The following ADAMTSL3 variants were observed in gnomAD, a reference collection of about 807,000 sequenced individuals.
ADAMTSL3 encodes the protein ADAMTS like 3.
In ADAMTSL3, 128 loss-of-function variants were observed where a neutral mutation model predicts 201.7. The ratio of observed to expected loss-of-function variants is 0.63; its 90% CI spans 0.55 to 0.73. The LOEUF is 0.73. Ranked by LOEUF, ADAMTSL3 falls within the 30% of genes least tolerant of loss-of-function variation. The probability of loss-of-function intolerance (pLI) is 0.00; values close to 1 mark genes in which losing one functional copy is unlikely to be tolerated. For missense variants in ADAMTSL3, 1,990 were observed against 2,119.6 expected (o/e 0.94, Z 1.20); for synonymous variants, 738 against 748.4 (o/e 0.99, Z 0.23).
intron 6 of ADAMTSL3, 112 bp from the exon 7 acceptor site, chr15:83,837,977 G>C: frequency 1.5e-6 from 2 of 1,336,600 alleles, no homozygotes; most frequent in Non-Finnish European, 2.0e-6. Context: ...TCTCATAAAA[G>C]AGAGCCAAAC....
intron 19 of ADAMTSL3, among the ~76,000 whole-genome samples, chr15:83,945,204 A>G (rs181656744): frequency 2.5e-4 from 38 of 152,192 alleles, no homozygotes; most frequent in African/African-American, 8.4e-4. Flanking sequence ...TCCAACTCAC[A>G]AGCAGCTGGA....
intron 19 of ADAMTSL3, among the ~76,000 whole-genome samples, chr15:83,964,093 TCCAAAAACCAGAACACCTCTTCAC>T (rs927608509): frequency 1.1e-4 from 16 of 152,004 alleles, no homozygotes; most frequent in African/African-American, 3.6e-4. Context: ...GGCTGAAAAT[TCCAAAAACCAGAACACCTCTTCAC>T]CTGCAAAGTG....
At chr15:83,752,691 A>T (rs1224171636) in intron 3 of ADAMTSL3, among the ~76,000 whole-genome samples, 1 of 152,268 alleles carries the variant, frequency 6.6e-6, no homozygotes, top group Non-Finnish European at 1.5e-5. Context: ...AGTGCTTGAA[A>T]TGTGGCTAGT....
intron 20 of ADAMTSL3, 37 bp from the exon 21 acceptor site, chr15:83,982,236 T>G: frequency 2.7e-6 from 4 of 1,499,846 alleles, no homozygotes; most frequent in Non-Finnish European, 3.6e-6. Flanking sequence ...AGATGTTTAT[T>G]CGTATTTTCT....
At chr15:83,769,063 C>A (rs1425753448) in intron 3 of ADAMTSL3, among the ~76,000 whole-genome samples, 1 of 151,830 alleles carries the variant, frequency 6.6e-6, no homozygotes, top group East Asian at 1.9e-4. Context: ...GCACTTATAA[C>A]ATGCCTATTT....
At chr15:83,974,727 T>C (rs4842927) in intron 20 of ADAMTSL3, among the ~76,000 whole-genome samples, 1 of 152,024 alleles carries the variant, frequency 6.6e-6, no homozygotes, top group Non-Finnish European at 1.5e-5. Context: ...CAGGCATCTG[T>C]AGAAAAGAAG....
intron 3 of ADAMTSL3, among the ~76,000 whole-genome samples, chr15:83,771,975 C>T (rs1274102848): frequency 6.6e-6 from 1 of 152,080 alleles, no homozygotes; most frequent in African/African-American, 2.4e-5. Flanking sequence ...GCCTCAGCCT[C>T]CCGAGTACCT....
At chr15:83,977,105 A>G (rs113773789) in intron 20 of ADAMTSL3, among the ~76,000 whole-genome samples, 1 of 152,166 alleles carries the variant, frequency 6.6e-6, no homozygotes, top group African/African-American at 2.4e-5. Context: ...GCCTTCTGTC[A>G]GATCAGCAGC....
At position 83,913,121 on chromosome 15, in the gene ADAMTSL3, G is replaced by C. The variant is rs755967435; in HGVS notation, c.1730G>C (p.Ser577Thr). 185 of 1,614,006 alleles carry C rather than the reference G, an allele frequency of 1.1e-4. No homozygotes were observed. Among genetic ancestry groups the C allele is most frequent in the Non-Finnish European group, 1.5e-4 (177 of 1,180,030 alleles). ...TFIPEPWSAC[S>T]TTCGPGVQVR... ...ATTCCAGAACCCTGGTCAGCCTGCA[G>C]TACCACGTGTGGGCCGGGTGTGCAG... is the stretch of plus-strand genomic sequence containing the variant. Residue 577 changes from serine (S) to threonine (T), a missense_variant, in exon 16 of 30, where the codon AGT (serine) becomes ACT (threonine). Transcript: ENST00000286744.
At chr15:83,699,779 C>T (rs1044489529) in intron 2 of ADAMTSL3, among the ~76,000 whole-genome samples, 3 of 152,104 alleles carry the variant, frequency 2.0e-5, no homozygotes, top group African/African-American at 4.8e-5. Context: ...CTTCTTTTGC[C>T]GGTAATACTC....
At chr15:83,841,642 T>C (rs971351853) in intron 7 of ADAMTSL3, among the ~76,000 whole-genome samples, 5 of 150,954 alleles carry the variant, frequency 3.3e-5, no homozygotes, top group Non-Finnish European at 7.4e-5. Context: ...TACTAAAGGA[T>C]GTCACACTGA....
At chr15:83,863,151 AC>A (rs2064902226) in intron 8 of ADAMTSL3, among the ~76,000 whole-genome samples, 1 of 152,176 alleles carries the variant, frequency 6.6e-6, no homozygotes, top group Admixed American at 6.5e-5. Context: ...AGAGACTTAG[AC>A]TCCCATACAA....
rs201289538 is a variant in ADAMTSL3, at chr15:83,883,142, C to CTATTTTATTT, written c.961-1922_961-1913dup. Among the ~76,000 whole-genome samples the CTATTTTATTT allele has an allele frequency of 2.0e-3, 76 of 37,344 alleles. No homozygotes were observed. The South Asian group carries it at 0.021, about 10-fold the overall frequency. 24.5% of individuals were successfully genotyped at this position (37,344 alleles called of 152,430 possible). ...TGAAATATCTTTTATAATACTATTTCTATTTTATTTTATTTTATTTTATTT... is the reference window on the plus strand; with the variant it reads ...TGAAATATCTTTTATAATACTATTTCTATTTTATTTTATTTTATTTTATTTTATTTTATTT... On this transcript the variant is annotated intron_variant, in intron 9 of 29. Transcript: ENST00000286744.
At chr15:83,883,188 T>TA (rs2065311783) in intron 9 of ADAMTSL3, among the ~76,000 whole-genome samples, 3 of 150,578 alleles carry the variant, frequency 2.0e-5, no homozygotes, top group African/African-American at 7.3e-5. Context: ...TATTTTATTT[T>TA]TTGAGATGCA....
intron 16 of ADAMTSL3, among the ~76,000 whole-genome samples, chr15:83,918,966 G>A (rs564442577): frequency 6.6e-6 from 1 of 152,268 alleles, no homozygotes; most frequent in African/African-American, 2.4e-5. Context: ...GGAGATAAAA[G>A]GATCTGTCAG....
At chr15:83,897,024 A>C (rs1469341015) in intron 13 of ADAMTSL3, among the ~76,000 whole-genome samples, 2 of 152,160 alleles carry the variant, frequency 1.3e-5, no homozygotes, top group Admixed American at 1.3e-4. Flanking sequence ...TGCCCCCATG[A>C]TCCAATCACC....
At chr15:83,905,617 C>T (rs2065816371) in intron 15 of ADAMTSL3, among the ~76,000 whole-genome samples, 1 of 152,212 alleles carries the variant, frequency 6.6e-6, no homozygotes, top group African/African-American at 2.4e-5. Context: ...AGAAAAGTGA[C>T]ATAATCTCAA....
rs1025631522 is a variant in ADAMTSL3, at chr15:83,937,132, C to T, written c.2118-5464C>T. Among the ~76,000 whole-genome samples, 119 of 150,718 alleles carry T rather than the reference C, an allele frequency of 7.9e-4. 8 individuals are homozygous for T. The highest frequency in any genetic ancestry group is 2.7e-3 in the African/African-American group (109 of 40,204). On this transcript the variant is annotated intron_variant, in intron 17 of 29. Coordinates refer to ENST00000286744, the MANE Select transcript of ADAMTSL3 (RefSeq NM_207517.3). ...TTCTCAAAGAACTTAAAAAAATTAC[C>T]GTTTGACCCAGCAATTTCATTATTG...
At chr15:83,918,983 G>A (rs1232839473) in intron 16 of ADAMTSL3, among the ~76,000 whole-genome samples, 4 of 152,080 alleles carry the variant, frequency 2.6e-5, no homozygotes, top group African/African-American at 7.2e-5. Flanking sequence ...TCAGTGGAGT[G>A]GGTAAGCAGG....
Sources: gnomAD v4.1 joint callset for allele counts (sites outside exome capture counted in the v4.1 genomes callset) on GRCh38, gnomAD v4.1.1 for gene constraint, MANE v1.5 for transcripts, NCBI Gene and HGNC (gene_info 2026-07-23, HGNC 2026-07-21) for gene names.